The following PHACTR2 variants were observed in gnomAD, a reference collection of about 807,000 sequenced individuals.
The protein encoded by PHACTR2 is phosphatase and actin regulator 2.
In PHACTR2, 30 loss-of-function variants were observed where a neutral mutation model predicts 76.0. The observed-to-expected ratio is 0.39, with a 90% confidence interval of 0.30 to 0.54. The LOEUF (loss-of-function observed/expected upper bound fraction) is 0.54. Ranked by LOEUF, PHACTR2 falls within the 20% of genes least tolerant of loss-of-function variation. The probability of loss-of-function intolerance (pLI) is 0.61; values close to 1 mark genes in which losing one functional copy is unlikely to be tolerated. For missense variants in PHACTR2, 696 were observed against 781.1 expected, an observed-to-expected ratio of 0.89 and a Z score of 1.30; for synonymous variants, 292 against 292.5, an observed-to-expected ratio of 1.00 and a Z score of 0.02.
At position 143,826,797 on chromosome 6, in the gene PHACTR2, C is replaced by T. The variant is rs962220409; in HGVS notation, c.*3108C>T. On this transcript the variant is annotated 3_prime_UTR_variant, in exon 13 of 13. Coordinates refer to ENST00000440869, the MANE Select transcript of PHACTR2 (RefSeq NM_001100164.2). ...AGCTATAATTCCTTAAATTACTTAACTGAAATCTGTAATAGAGAACCATTT... is the reference window on the plus strand; with the variant it reads ...AGCTATAATTCCTTAAATTACTTAATTGAAATCTGTAATAGAGAACCATTT... 4 of 152,156 alleles carry T rather than the reference C, an allele frequency of 2.6e-5. No homozygotes were observed. Among genetic ancestry groups the T allele is most frequent in the Admixed American group, 6.5e-5 (1 of 15,278 alleles). The allele number at this position is 152,156 out of a possible 1,614,324, so 9.4% of individuals were successfully genotyped here. A position where few individuals can be genotyped will look rare whatever the true frequency, so the allele number is the denominator to read the frequency against.
chr6:143,560,744 G>A (rs1221182877), intron 1 of PHACTR2, among the ~76,000 whole-genome samples: 1 of 152,148 alleles, frequency 6.6e-6, no homozygotes, highest in Non-Finnish European at 1.5e-5. Context: ...TCCAGTAGGT[G>A]CTCGCTGGGG....
Position 143,821,551 on chromosome 6 carries a change from A to G in PHACTR2, c.1923-2123A>G, listed in dbSNP as rs181176792. Among the ~76,000 whole-genome samples the G allele has an allele frequency of 2.0e-4, 31 of 152,362 alleles. No individual in the cohort carries two copies. Among genetic ancestry groups the G allele is most frequent in the Admixed American group, 5.2e-4 (8 of 15,304 alleles). On this transcript the variant is annotated intron_variant, in intron 12 of 12. Coordinates refer to ENST00000440869, the MANE Select transcript of PHACTR2 (RefSeq NM_001100164.2). The surrounding 1 kb of genome is among the most constrained non-coding windows in gnomAD (Gnocchi z 5.2). ...AAAGGCACATGTATCCAAAGATTAT[A>G]TAATGTAAGCAATAACTGGCATAAG...
At chr6:143,670,723 G>A (rs558445921) in intron 1 of PHACTR2, among the ~76,000 whole-genome samples, 64 of 152,194 alleles carry the variant, frequency 4.2e-4, no homozygotes, top group African/African-American at 1.5e-3. Context: ...CTAAACTGGT[G>A]ATTCTAGTTA....
rs1045409466 is a variant in PHACTR2 at position 143,696,249 on chromosome 6, C to G, written c.47-15767C>G. Among the ~76,000 whole-genome samples the G allele has an allele frequency of 6.6e-6, 1 of 152,128 alleles. No homozygotes were observed. The highest frequency in any genetic ancestry group is 1.5e-5 in the Non-Finnish European group (1 of 68,038). ...AGTCTTAGTTGGTTTTAGCAGCTCC[C>G]AGCAATTATCTTGAGACCAACGGAG... On this transcript the variant is annotated intron_variant, in intron 1 of 12. Coordinates refer to ENST00000440869, the MANE Select transcript of PHACTR2 (RefSeq NM_001100164.2). This position sits in a 1 kb window ranked among gnomAD's most constrained non-coding sequence, Gnocchi z 4.1.
chr6:143,651,238 G>T (rs1776758482), intron 1 of PHACTR2, among the ~76,000 whole-genome samples: 1 of 152,170 alleles, frequency 6.6e-6, no homozygotes, highest in Non-Finnish European at 1.5e-5. Context: ...TTACACTCTT[G>T]GTGGGAGTGT....
chr6:143,736,606 G>T, intron 2 of PHACTR2, among the ~76,000 whole-genome samples: 2 of 96,788 alleles, frequency 2.1e-5, no homozygotes, highest in African/African-American at 8.2e-5. Flanking sequence ...ACGGAGCCTT[G>T]CTCTGTCACC....
At chr6:143,604,992 G>GT (rs1775852048), upstream of PHACTR2, among the ~76,000 whole-genome samples, 3 of 105,298 alleles carry the variant, frequency 2.8e-5, no homozygotes, top group East Asian at 2.1e-4. Context: ...TTGCTAATAG[G>GT]GTTTTTTTTT....
rs141550672 is a variant in PHACTR2 at position 143,732,116 on chromosome 6, C to A, written c.215-16869C>A. On this transcript the variant is annotated intron_variant, in intron 2 of 12. Transcript: ENST00000440869. ...CAAATCTCTCCTCTCCCCCAGAATT[C>A]TTTAAATTAAATGGCCTTGTTGACA... Among the ~76,000 whole-genome samples the A allele has an allele frequency of 5.9e-3, 906 of 152,304 alleles. 6 individuals are homozygous for A. Among genetic ancestry groups the A allele is most frequent in the Non-Finnish European group, 0.01 (691 of 68,028 alleles).
intron 1 of PHACTR2, among the ~76,000 whole-genome samples, chr6:143,702,210 C>T (rs1403821360): frequency 6.1e-5 from 9 of 147,846 alleles, no homozygotes; most frequent in Non-Finnish European, 1.2e-4. Context: ...CTGGTTCAAG[C>T]GATCCTCCTG....
rs1776690836 is a variant in PHACTR2, at chr6:143,648,038, G to A, written c.13+39716G>A. 6.6e-6 allele frequency among the ~76,000 whole-genome samples: 1 copy of A among 152,134 alleles called. No individual in the cohort carries two copies. Among genetic ancestry groups the A allele is most frequent in the South Asian group, 2.1e-4 (1 of 4,828 alleles). On this transcript the variant is annotated intron_variant, in intron 1 of 11. Coordinates refer to the PHACTR2 transcript ENST00000305766. This position sits in a 1 kb window ranked among gnomAD's most constrained non-coding sequence, Gnocchi z 6.7. ...GATCCTGCCGTGACCCGAGAGAGAT[G>A]TATGGCTGCGACAGAGCCACAACAG...
intron 1 of PHACTR2, among the ~76,000 whole-genome samples, chr6:143,594,304 G>A (rs1419312025): frequency 3.3e-5 from 5 of 152,324 alleles, no homozygotes; most frequent in Non-Finnish European, 2.9e-5. Context: ...CCTGTACTAT[G>A]AATGAAAACC....
rs941998588 is a variant in PHACTR2 at position 143,772,031 on chromosome 6, G to A, written c.1233-227G>A. Among the ~76,000 whole-genome samples, 2 of 152,166 alleles carry A rather than the reference G, an allele frequency of 1.3e-5. No homozygotes were observed. The highest frequency in any genetic ancestry group is 4.8e-5 in the African/African-American group (2 of 41,428). Reference sequence around the variant, plus strand: ...TGCAAAATGTAGTTTTACCCTATTTGTTTGCTAAATGTATCAGATACCAAG... The same window carrying A: ...TGCAAAATGTAGTTTTACCCTATTTATTTGCTAAATGTATCAGATACCAAG... On this transcript the variant is annotated intron_variant, in intron 6 of 12. Transcript: ENST00000440869. This position sits in a 1 kb window ranked among gnomAD's most constrained non-coding sequence, Gnocchi z 5.4.
rs2128476152 is a variant in PHACTR2 at position 143,775,657 on chromosome 6, C to G, written c.1589+1442C>G. On this transcript the variant is annotated intron_variant, in intron 8 of 12. Transcript: ENST00000440869. This position sits in a 1 kb window ranked among gnomAD's most constrained non-coding sequence, Gnocchi z 4.4. The stretch of plus-strand genomic sequence containing the variant: ...TCTACTCTATGTAAGAGAGTATATG[C>G]TTCTAGGTTTTCTGATTGTTTTATT... Among the ~76,000 whole-genome samples the G allele has an allele frequency of 6.6e-6, 1 of 152,246 alleles. No homozygotes were observed. The highest frequency in any genetic ancestry group is 6.5e-5 in the Admixed American group (1 of 15,294).
In PHACTR2 at chr6:143,558,732, G is replaced by A. The variant is rs746390123; in HGVS notation, c.217+21525G>A. Among the ~76,000 whole-genome samples the A allele has an allele frequency of 1.6e-4, 24 of 152,208 alleles. No individual in the cohort carries two copies. Among genetic ancestry groups the A allele is most frequent in the Non-Finnish European group, 1.3e-4 (9 of 68,034 alleles). ...GAGGAGGTAGAGATCGTTTTACAAA[G>A]TCGAGCTCATGCTCTTTGTTTCCCA... is the stretch of plus-strand genomic sequence containing the variant. On this transcript the variant is annotated intron_variant, in intron 1 of 11. Transcript: ENST00000367584. This position sits in a 1 kb window ranked among gnomAD's most constrained non-coding sequence, Gnocchi z 4.7.
intron 5 of PHACTR2, among the ~76,000 whole-genome samples, chr6:143,763,371 A>G (rs966447847): frequency 6.6e-6 from 1 of 152,200 alleles, no homozygotes; most frequent in Non-Finnish European, 1.5e-5. Context: ...AAAAAACAAA[A>G]AAAAAGAATT....
rs1403870176 is a variant in PHACTR2, at chr6:143,757,152, A to G, written c.454+3240A>G. ...TTATTTTAAAATCTTCAATGAAATA[A>G]CAAGTGATGAACACTTATTTGTTCC... On this transcript the variant is annotated intron_variant, in intron 4 of 12. Transcript: ENST00000440869. This position sits in a 1 kb window ranked among gnomAD's most constrained non-coding sequence, Gnocchi z 4.2. Among the ~76,000 whole-genome samples the G allele has an allele frequency of 1.3e-5, 2 of 152,278 alleles. No homozygotes were observed. Among genetic ancestry groups the G allele is most frequent in the Non-Finnish European group, 2.9e-5 (2 of 68,050 alleles).
At chr6:143,681,640 T>A (rs192765160) in intron 1 of PHACTR2, among the ~76,000 whole-genome samples, 13 of 152,342 alleles carry the variant, frequency 8.5e-5, no homozygotes, top group Admixed American at 7.2e-4. Flanking sequence ...GTTTTTGGTA[T>A]CACATCTGAG....
Position 143,688,043 on chromosome 6 carries a change from A to G in PHACTR2, c.46+9834A>G, listed in dbSNP as rs1281649663. On this transcript the variant is annotated intron_variant, in intron 1 of 12. Transcript: ENST00000440869. This position sits in a 1 kb window ranked among gnomAD's most constrained non-coding sequence, Gnocchi z 5.2. ...GAAAATGTGCAGAAATGAGAGTGGA[A>G]GGGAAGGGATATGTAGAGAATTGTA... Among the ~76,000 whole-genome samples the G allele has an allele frequency of 6.6e-6, 1 of 152,170 alleles. No individual in the cohort carries two copies. Among genetic ancestry groups the G allele is most frequent in the Non-Finnish European group, 1.5e-5 (1 of 68,024 alleles).
Position 143,760,751 on chromosome 6 carries a change from A to G in PHACTR2, c.694+111A>G, listed in dbSNP as rs1327026546. 8.0e-7 allele frequency: 1 copy of G among 1,247,468 alleles called. No homozygotes were observed. The highest frequency in any genetic ancestry group is 1.1e-6 in the Non-Finnish European group (1 of 910,856). 77.3% of individuals were successfully genotyped at this position (1,247,468 alleles called of 1,614,324 possible). On this transcript the variant is annotated intron_variant, in intron 5 of 12. Transcript: ENST00000440869. This position sits in a 1 kb window ranked among gnomAD's most constrained non-coding sequence, Gnocchi z 6.4. ...GGCTTTTGGTGTCTTAGGACATTAC[A>G]CCAGCAGGTTCAGCTTTGACACAAA...
Sources: allele counts gnomAD v4.1 joint callset (sites outside exome capture counted in the v4.1 genomes callset), GRCh38; gene constraint gnomAD v4.1.1; non-coding constraint Gnocchi (gnomAD v3.1); transcripts MANE v1.5; gene names NCBI Gene and HGNC (gene_info 2026-07-23, HGNC 2026-07-21).